FANCA: variants seen among roughly 807,000 people sequenced by gnomAD.
The protein encoded by FANCA is FA complementation group A.
In FANCA, 236 loss-of-function variants were observed where a neutral mutation model predicts 194.3. That is an observed-to-expected ratio of 1.21 (90% CI 1.09 to 1.35). FANCA has a LOEUF of 1.35. Among genes scored for constraint, FANCA ranks in the 40% most tolerant of loss-of-function variants. FANCA has a pLI of 0.00. For missense variants in FANCA, 2,628 were observed against 1,813.9 expected (o/e 1.45, Z -8.15); for synonymous variants, 1,014 against 715.8 (o/e 1.42, Z -6.65).
rs2039779191 is a variant in FANCA, at chr16:89,783,152, G to A, written c.1471-50C>T. On this transcript the variant is annotated intron_variant, in intron 15 of 42. Transcript: ENST00000389301. ...CACCGTTAGTCTGGGAACTGCCTGGGACTCCAGGGAGGCCACAATTCACTT... is the reference window on the plus strand; with the variant it reads ...CACCGTTAGTCTGGGAACTGCCTGGAACTCCAGGGAGGCCACAATTCACTT... The A allele has an allele frequency of 2.1e-6, 3 of 1,397,424 alleles. No individual in the cohort carries two copies. In the South Asian group the frequency reaches 3.5e-5, roughly 16 times the overall value. 86.6% of individuals were successfully genotyped at this position (1,397,424 alleles called of 1,614,324 possible).
rs45446001 is a variant in FANCA at position 89,798,924 on chromosome 16, C to T, written c.893+242G>A. ...AACATTGGTGCAGGACTTCCAGAGG[C>T]GGAACAGGATACTGCAGTGGGCGCA... On this transcript the variant is annotated intron_variant, in intron 10 of 42. Transcript: ENST00000389301. 22,519 of 1,602,582 alleles carry T rather than the reference C, an allele frequency of 0.014. 222 individuals carry two copies. The highest frequency in any genetic ancestry group is 0.028 in the Middle Eastern group (127 of 4,608).
chr16:89,760,428 G>A (rs775953821), intron 29 of FANCA, among the ~76,000 whole-genome samples: 1 of 152,188 alleles, frequency 6.6e-6, no homozygotes. Context: ...GTGCCTGGAA[G>A]GCCCCTGATG....
At chr16:89,767,029 G>C in intron 27 of FANCA, 112 bp downstream of exon 27, 1 of 864,682 alleles carries the variant, frequency 1.2e-6, no homozygotes, top group Non-Finnish European at 2.0e-6. Context: ...TGACCCAGGA[G>C]CTGCCCCTGA....
chr16:89,747,208 G>C (rs1435135962), intron 33 of FANCA, among the ~76,000 whole-genome samples: 1 of 152,236 alleles, frequency 6.6e-6, no homozygotes, highest in Non-Finnish European at 1.5e-5. Flanking sequence ...ACTGTGGTGA[G>C]GACGACACTA....
At chr16:89,799,025 C>A (rs767807355) in intron 10 of FANCA, 141 bp downstream of exon 10, 8 of 1,614,136 alleles carry the variant, frequency 5.0e-6, no homozygotes, top group South Asian at 1.1e-5. Context: ...CTCCTCCTCA[C>A]GCACGTTATC....
intron 29 of FANCA, among the ~76,000 whole-genome samples, chr16:89,759,105 G>A (rs1248239292): frequency 6.6e-6 from 1 of 151,832 alleles, no homozygotes; most frequent in Non-Finnish European, 1.5e-5. Context: ...CGGATCACGA[G>A]GTTAGGAGAT....
At chr16:89,811,817 G>A (rs1316142804) in intron 3 of FANCA, among the ~76,000 whole-genome samples, 2 of 151,966 alleles carry the variant, frequency 1.3e-5, no homozygotes, top group Non-Finnish European at 2.9e-5. Flanking sequence ...TGCAACCTCC[G>A]CCTCTCAGGT....
At chr16:89,776,319 C>A (rs952684664) in intron 20 of FANCA, among the ~76,000 whole-genome samples, 1 of 151,290 alleles carries the variant, frequency 6.6e-6, no homozygotes, top group South Asian at 2.1e-4. Context: ...AGGCGCCTGC[C>A]ACCAGGCCCA....
At chr16:89,739,674 G>T in intron 39 of FANCA, 121 bp from the exon 40 acceptor site, 1 of 1,513,438 alleles carries the variant, frequency 6.6e-7, no homozygotes, top group African/African-American at 1.4e-5. Flanking sequence ...ATAGTGTGGG[G>T]CGAACAGCCT....
chr16:89,770,469 A>G, intron 24 of FANCA, 95 bp downstream of exon 24: 3 of 1,238,330 alleles, frequency 2.4e-6, no homozygotes, highest in Non-Finnish European at 3.5e-6. Context: ...GCTCCTGCGG[A>G]GACGAGCTCA....
rs1023496726 is a variant in FANCA at position 89,755,019 on chromosome 16, C to T, written c.2982-2797G>A. On this transcript the variant is annotated intron_variant, in intron 30 of 42. Transcript: ENST00000389301. ...CTACTACAAAGCTTCATCCCAATGA[C>T]GCAGTGCATATGGACATACAGACCA... Among the ~76,000 whole-genome samples the T allele has an allele frequency of 3.3e-5, 5 of 152,178 alleles. No individual in the cohort carries two copies. The South Asian group carries it at 8.3e-4, about 25-fold the overall frequency.
At chr16:89,752,357 A>C in intron 30 of FANCA, 135 bp from the exon 31 acceptor site, 1 of 776,452 alleles carries the variant, frequency 1.3e-6, no homozygotes, top group African/African-American at 1.7e-5. Context: ...GTCAACAATA[A>C]ACAACAAAAA....
intron 14 of FANCA, 148 bp downstream of exon 14, chr16:89,791,255 A>C (rs1384339406): frequency 3.8e-6 from 4 of 1,039,462 alleles, no homozygotes; most frequent in Non-Finnish European, 5.8e-6. Flanking sequence ...CGGCACACGC[A>C]GAGGAAGATC....
chr16:89,796,756 C>T (rs2040261068), intron 10 of FANCA, among the ~76,000 whole-genome samples: 1 of 152,164 alleles, frequency 6.6e-6, no homozygotes, highest in Non-Finnish European at 1.5e-5. Flanking sequence ...GGCACGGTGG[C>T]TCATGCCTGT....
chr16:89,771,528 T>C lies in FANCA; in HGVS notation c.2151+150A>G, dbSNP rs1198194148. The C allele has an allele frequency of 4.9e-6, 4 of 821,286 alleles. No individual in the cohort carries two copies. The East Asian group carries it at 9.8e-5, about 20-fold the overall frequency. The allele number at this position is 821,286 out of a possible 1,614,324, so 50.9% of individuals were successfully genotyped here. ...ACAAACAGACTGTGGCAGCTGACCC[T>C]GGTACACCGCTGCCTGGCCCTGGAA... On this transcript the variant is annotated intron_variant, in intron 23 of 42. Coordinates refer to ENST00000389301, the MANE Select transcript of FANCA (RefSeq NM_000135.4).
At chr16:89,748,549 C>A (rs889638954) in intron 33 of FANCA, 110 bp downstream of exon 33, 2 of 893,512 alleles carry the variant, frequency 2.2e-6, no homozygotes, top group Non-Finnish European at 1.8e-6. Flanking sequence ...GACTTTGAAC[C>A]CTTTCCTCAG....
At chr16:89,798,413 A>C (rs181606250) in intron 10 of FANCA, 6 of 1,078,074 alleles carry the variant, frequency 5.6e-6, no homozygotes, top group Non-Finnish European at 6.8e-6. Flanking sequence ...ACGGTACAAC[A>C]CATTTAATTG....
rs139083291 is a variant in FANCA at position 89,757,679 on chromosome 16, A to G, written c.2981+898T>C. On this transcript the variant is annotated intron_variant, in intron 30 of 42. Transcript: ENST00000389301. ...AAGCTGCAAACAAGAGCCCCTGGGG[A>G]CAAAGCCTGGACAGCCCCAGGTACA... Among the ~76,000 whole-genome samples the G allele has an allele frequency of 1.1e-4, 17 of 152,278 alleles. No homozygotes were observed. The East Asian group carries it at 2.9e-3, about 26-fold the overall frequency.
chr16:89,738,269 C>T lies in FANCA; in HGVS notation c.*332G>A, dbSNP rs2062016990. 1.3e-6 allele frequency: 2 copies of T among 1,572,284 alleles called. No individual in the cohort carries two copies. The highest frequency in any genetic ancestry group is 1.7e-6 in the Non-Finnish European group (2 of 1,160,412). ...TGAGGACGGCAGTGAGGATGAGCAC[C>T]TCTAGCAGCCTGGACTCCGCAGTGG... On this transcript the variant is annotated 3_prime_UTR_variant, in exon 43 of 43. Transcript: ENST00000389301.
Sources: gnomAD v4.1 joint callset for allele counts (sites outside exome capture counted in the v4.1 genomes callset) on GRCh38, gnomAD v4.1.1 for gene constraint, MANE v1.5 for transcripts, NCBI Gene and HGNC (gene_info 2026-07-23, HGNC 2026-07-21) for gene names.